ORC4: variants seen among roughly 807,000 people sequenced by gnomAD.
ORC4 encodes origin recognition complex, subunit 4 homolog.
ORC4 carries 55 observed loss-of-function variants against 63.9 expected under a neutral mutation model. The ratio of observed to expected loss-of-function variants is 0.86; its 90% CI spans 0.69 to 1.08. The LOEUF is 1.08. Ranked by LOEUF, ORC4 falls within the 50% of genes least tolerant of loss-of-function variation. The probability of loss-of-function intolerance (pLI) is 0.00; values close to 1 mark genes in which losing one functional copy is unlikely to be tolerated. For missense variants in ORC4, 511 were observed against 504.4 expected (o/e 1.01, Z -0.13); for synonymous variants, 150 against 168.5 (o/e 0.89, Z 0.85).
intron 1 of ORC4, among the ~76,000 whole-genome samples, chr2:148,005,622 G>A (rs868762673): frequency 1.5e-4 from 19 of 124,888 alleles, no homozygotes; most frequent in African/African-American, 2.7e-4. Context: ...GAATCATCCC[G>A]TAGCAGGAAC....
intron 4 of ORC4, among the ~76,000 whole-genome samples, chr2:147,959,085 C>T (rs1159167807): frequency 6.6e-6 from 1 of 151,976 alleles, no homozygotes; most frequent in African/African-American, 2.4e-5. Flanking sequence ...TTCTCTCAAT[C>T]ACCTACCCGA....
chr2:147,966,018 CA>C (rs1347872354), intron 4 of ORC4, among the ~76,000 whole-genome samples: 1 of 151,750 alleles, frequency 6.6e-6, no homozygotes, highest in Non-Finnish European at 1.5e-5. Flanking sequence ...CCAGCCTGGG[CA>C]AAATAGGGAG....
rs946679940 is a variant in ORC4 at position 147,971,273 on chromosome 2, ATGT to A, written c.225+1463_225+1465del. Among the ~76,000 whole-genome samples, 49 of 151,214 alleles carry A rather than the reference ATGT, an allele frequency of 3.2e-4. 1 individual carries two copies. Among genetic ancestry groups the A allele is most frequent in the African/African-American group, 8.6e-4 (35 of 40,684 alleles). On this transcript the variant is annotated intron_variant, in intron 4 of 13. Transcript: ENST00000392857. ...GAAATCTTCTGCTCTGCCAAAGACA[ATGT>A]TATTATTAATAGTATGAAAAGAATA...
chr2:147,989,721 T>C (rs114935137), intron 1 of ORC4, among the ~76,000 whole-genome samples: 324 of 150,984 alleles, frequency 2.1e-3, no homozygotes, highest in African/African-American at 7.4e-3. Context: ...ACAACAACAA[T>C]AGGAACAACA....
chr2:148,021,463 T>TTGCTGCTGC (rs569896406), upstream of ORC4: 5 of 573,876 alleles, frequency 8.7e-6, 1 homozygote, highest in Non-Finnish European at 1.7e-5. Flanking sequence ...GCTGCTGCTG[T>TTGCTGCTGC]TGCTGCTGCT....
At chr2:147,969,710 T>G (rs1690097223) in intron 4 of ORC4, among the ~76,000 whole-genome samples, 1 of 151,878 alleles carries the variant, frequency 6.6e-6, no homozygotes, top group African/African-American at 2.4e-5. Context: ...GGATATTCAT[T>G]TTTTCTAATC....
chr2:147,957,776 T>C (rs1407252891), intron 6 of ORC4, among the ~76,000 whole-genome samples: 2 of 152,158 alleles, frequency 1.3e-5, no homozygotes, highest in African/African-American at 4.8e-5. Flanking sequence ...GAAGTATGGA[T>C]AATAAAATAA....
chr2:148,009,028 G>C (rs886829461), intron 1 of ORC4, among the ~76,000 whole-genome samples: 1 of 152,082 alleles, frequency 6.6e-6, no homozygotes, highest in Non-Finnish European at 1.5e-5. Flanking sequence ...GAGTAGAAGT[G>C]TACAGGTTTT....
intron 4 of ORC4, among the ~76,000 whole-genome samples, chr2:147,961,521 T>A (rs1689591285): frequency 6.6e-6 from 1 of 152,074 alleles, no homozygotes; most frequent in African/African-American, 2.4e-5. Context: ...TGACAATTTA[T>A]TCAATCTATA....
rs1459430795 is a variant in ORC4 at position 147,934,061 on chromosome 2, T to G, written c.*1449A>C. On this transcript the variant is annotated 3_prime_UTR_variant, in exon 14 of 14. Transcript: ENST00000392857. Reference sequence around the variant, plus strand: ...AAAAACTATTTGGTAAGGAATCCACTGTTGAACTTCAGGTCTTAATAGCAC... The same window carrying G: ...AAAAACTATTTGGTAAGGAATCCACGGTTGAACTTCAGGTCTTAATAGCAC... 6.6e-6 allele frequency: 1 copy of G among 152,218 alleles called. No individual in the cohort carries two copies. The highest frequency in any genetic ancestry group is 2.4e-5 in the African/African-American group (1 of 41,464). The allele number at this position is 152,218 out of a possible 1,614,324, so 9.4% of individuals were successfully genotyped here.
In ORC4 at chr2:147,935,497, T is replaced by G. The variant is rs1687998432; in HGVS notation, c.*13A>C. 6.2e-7 allele frequency: 1 copy of G among 1,602,500 alleles called. No homozygotes were observed. Among genetic ancestry groups the G allele is most frequent in the Non-Finnish European group, 8.6e-7 (1 of 1,169,572 alleles). On this transcript the variant is annotated 3_prime_UTR_variant, in exon 14 of 14. Coordinates refer to ENST00000392857, the MANE Select transcript of ORC4 (RefSeq NM_181741.4). Reference sequence around the variant, plus strand: ...TATGAATGAAATGCCAAAGTTGAAGTCACTGGTTATATTCATAACCAGCTT... The same window carrying G: ...TATGAATGAAATGCCAAAGTTGAAGGCACTGGTTATATTCATAACCAGCTT...
chr2:147,961,351 T>C (rs4972317), intron 4 of ORC4, among the ~76,000 whole-genome samples: 49,823 of 150,906 alleles, frequency 0.33, 8,483 homozygotes, highest in East Asian at 0.52. Context: ...GTGGGAGGAT[T>C]GCTTGAGCCC....
At chr2:147,975,440 C>A (rs544378808) in intron 2 of ORC4, among the ~76,000 whole-genome samples, 1 of 151,440 alleles carries the variant, frequency 6.6e-6, no homozygotes, top group African/African-American at 2.4e-5. Context: ...CAAGAATGTC[C>A]ATTCTTCCCA....
At chr2:147,942,086 T>A (rs1688397096) in intron 10 of ORC4, among the ~76,000 whole-genome samples, 1 of 152,048 alleles carries the variant, frequency 6.6e-6, no homozygotes, top group Non-Finnish European at 1.5e-5. Flanking sequence ...GAGCCTCAAT[T>A]TCTTTAGGGG....
chr2:147,958,864 T>A lies in ORC4; in HGVS notation c.228A>T (p.Leu76Phe), dbSNP rs1184776534. 1.7e-6 allele frequency: 2 copies of A among 1,194,438 alleles called. No individual in the cohort carries two copies. Among genetic ancestry groups the A allele is most frequent in the Non-Finnish European group, 2.5e-6 (2 of 803,080 alleles). 74.0% of individuals were successfully genotyped at this position (1,194,438 alleles called of 1,614,324 possible). Reference sequence around the variant, plus strand: ...TGAGTTCTTTCAAAGCATGATTTATTAACTAAATATGAAAAGTTTATGAAA... The same window carrying A: ...TGAGTTCTTTCAAAGCATGATTTATAAACTAAATATGAAAAGTTTATGAAA... ...IGPRGSGKTM[L>F]INHALKELME... The change falls in exon 5 of 14, where the codon TTA (leucine) becomes TTT (phenylalanine). Residue 76 changes from leucine to phenylalanine, a missense_variant and splice_region_variant. Leu to Phe is a conservative substitution (Grantham distance 22). Transcript: ENST00000392857.
intron 9 of ORC4, among the ~76,000 whole-genome samples, chr2:147,946,638 T>C (rs1688672330): frequency 6.6e-6 from 1 of 152,086 alleles, no homozygotes; most frequent in South Asian, 2.1e-4. Context: ...GGAGGATCCA[T>C]ACCTAATTAT....
Position 147,943,429 on chromosome 2 carries a change from T to A in ORC4, c.849+7A>T, listed in dbSNP as rs1181446915. 6.4e-7 allele frequency: 1 copy of A among 1,563,736 alleles called. No homozygotes were observed. Among genetic ancestry groups the A allele is most frequent in the Non-Finnish European group, 8.8e-7 (1 of 1,135,390 alleles). Reference sequence around the variant, plus strand: ...GCAACAAGCAATAAAACAAAACTAATACAAACCAATAGCATGTGTAATGAC... The same window carrying A: ...GCAACAAGCAATAAAACAAAACTAAAACAAACCAATAGCATGTGTAATGAC... On this transcript the variant is annotated splice_region_variant and intron_variant, in intron 10 of 13. Transcript: ENST00000392857.
chr2:147,935,873 A>G (rs1401742511), intron 13 of ORC4, among the ~76,000 whole-genome samples, 175 bp from the exon 14 acceptor site: 1 of 152,144 alleles, frequency 6.6e-6, no homozygotes, highest in Admixed American at 6.6e-5. Flanking sequence ...GAAAACTCAT[A>G]TTATCAGGTA....
chr2:147,972,345 C>A (rs1354983533), intron 4 of ORC4, among the ~76,000 whole-genome samples: 1 of 151,982 alleles, frequency 6.6e-6, no homozygotes, highest in Admixed American at 6.6e-5. Context: ...AAAACCCTAC[C>A]GTGCAGTGTT....
Sources: gnomAD v4.1 joint callset for allele counts (sites outside exome capture counted in the v4.1 genomes callset) on GRCh38, gnomAD v4.1.1 for gene constraint, MANE v1.5 for transcripts, NCBI Gene and HGNC (gene_info 2026-07-23, HGNC 2026-07-21) for gene names.